Variants in NHS observed in about 807,000 individuals in gnomAD.
The protein encoded by NHS is actin remodeling regulator NHS.
A neutral mutation model predicts 72.5 loss-of-function variants in NHS; 5 were observed. That is an observed-to-expected ratio of 0.07 (90% CI 0.04 to 0.14). NHS has a LOEUF of 0.14. NHS is among the 10% of genes least tolerant of loss of function. NHS has a pLI of 1.00. For synonymous variants in NHS, 464 were observed against 547.7 expected, an observed-to-expected ratio of 0.85 and a Z score of 2.13; for missense variants, 1,072 against 1,355.7, an observed-to-expected ratio of 0.79 and a Z score of 3.29.
chrX:17,420,440 AC>A (rs1318123772), intron 1 of NHS, among the ~76,000 whole-genome samples: 1 of 110,443 alleles, frequency 9.1e-6, no homozygotes, highest in Non-Finnish European at 1.9e-5. Flanking sequence ...TCTTCCATCC[AC>A]TCACTTACTG....
At chrX:17,620,461 C>T (rs1175745664) in intron 1 of NHS, among the ~76,000 whole-genome samples, 1 of 111,697 alleles carries the variant, frequency 9.0e-6, no homozygotes. Flanking sequence ...TCTTCTATGG[C>T]AGAGTCTGTT....
chrX:17,558,516 A>G (rs779068112), intron 1 of NHS, among the ~76,000 whole-genome samples: 1 of 112,466 alleles, frequency 8.9e-6, no homozygotes, highest in South Asian at 3.7e-4. Context: ...TAAGACGTAC[A>G]TGGGCTTCGT....
At chrX:17,504,282 T>C (rs987998041) in intron 1 of NHS, among the ~76,000 whole-genome samples, 16 of 112,185 alleles carry the variant, frequency 1.4e-4, no homozygotes, top group African/African-American at 4.5e-4. Context: ...GGTACCCATC[T>C]GTGTATATAT....
At chrX:17,712,992 C>T (rs2066343924) in intron 3 of NHS, among the ~76,000 whole-genome samples, 1 of 111,375 alleles carries the variant, frequency 9.0e-6, no homozygotes, top group Non-Finnish European at 1.9e-5. Flanking sequence ...TGATGAATGT[C>T]GGAGTTGAGG....
intron 3 of NHS, among the ~76,000 whole-genome samples, chrX:17,707,596 T>C (rs780948679): frequency 9.0e-6 from 1 of 111,334 alleles, no homozygotes; most frequent in African/African-American, 3.3e-5. Context: ...CTATAAACAA[T>C]GACCATGTTT....
At chrX:17,724,469 G>A (rs372398686) in intron 6 of NHS, 39 bp downstream of exon 6, 194 of 1,199,303 alleles carry the variant, frequency 1.6e-4, no homozygotes, top group Non-Finnish European at 2.0e-4. Context: ...ACATTCCTCC[G>A]CCTAGTACAG....
chrX:17,698,666 A>T, intron 3 of NHS, among the ~76,000 whole-genome samples: 1 of 112,134 alleles, frequency 8.9e-6, no homozygotes, highest in East Asian at 2.8e-4. Context: ...ACTCATGATT[A>T]TTGATTCAAA....
chrX:17,661,547 C>A (rs2065982905), intron 1 of NHS, among the ~76,000 whole-genome samples: 1 of 111,660 alleles, frequency 9.0e-6, no homozygotes, highest in Non-Finnish European at 1.9e-5. Flanking sequence ...GCATGCACAA[C>A]AGGAGTCCCT....
chrX:17,543,072 AT>A (rs1475145647), intron 1 of NHS, among the ~76,000 whole-genome samples: 1 of 111,554 alleles, frequency 9.0e-6, no homozygotes, highest in Non-Finnish European at 1.9e-5. Flanking sequence ...GTACATAATA[AT>A]CATCAGGAGA....
chrX:17,694,357 A>G (rs920562440), intron 3 of NHS, among the ~76,000 whole-genome samples: 1 of 112,678 alleles, frequency 8.9e-6, no homozygotes, highest in Non-Finnish European at 1.9e-5. Flanking sequence ...GTTCAAGCTC[A>G]CAAGACTGTA....
intron 3 of NHS, among the ~76,000 whole-genome samples, chrX:17,719,048 AGGAAGGAAG>A (rs1300935623): frequency 5.4e-5 from 5 of 93,386 alleles, no homozygotes; most frequent in African/African-American, 1.5e-4. Context: ...GAGGGAGGGA[AGGAAGGAAG>A]GGAAGGAAGA....
chrX:17,676,741 T>C (rs1004165736), intron 1 of NHS, among the ~76,000 whole-genome samples: 13 of 112,304 alleles, frequency 1.2e-4, no homozygotes, highest in Non-Finnish European at 2.4e-4. Flanking sequence ...CCTTGAAAAC[T>C]GGCACAAATG....
chrX:17,493,934 G>T (rs943745033), intron 1 of NHS, among the ~76,000 whole-genome samples: 1 of 110,654 alleles, frequency 9.0e-6, no homozygotes, highest in African/African-American at 3.3e-5. Context: ...TGTGAGTTAG[G>T]GATCCTAGTT....
chrX:17,634,747 A>G (rs1216930440), intron 1 of NHS, among the ~76,000 whole-genome samples: 1 of 111,052 alleles, frequency 9.0e-6, no homozygotes, highest in East Asian at 2.8e-4. Context: ...AAGGGATCAG[A>G]AATTGATTTG....
At chrX:17,553,622 A>G (rs1754935078) in intron 1 of NHS, among the ~76,000 whole-genome samples, 1 of 111,447 alleles carries the variant, frequency 9.0e-6, no homozygotes, top group South Asian at 3.8e-4. Flanking sequence ...GATCTGATTT[A>G]TTAGTGAAAA....
At chrX:17,636,181 C>A (rs919415676) in intron 1 of NHS, among the ~76,000 whole-genome samples, 6 of 111,985 alleles carry the variant, frequency 5.4e-5, no homozygotes, top group Non-Finnish European at 1.1e-4. Flanking sequence ...CTCCCAGTGT[C>A]CCCAAAACAG....
chrX:17,639,639 C>A lies in NHS; in HGVS notation c.566-48103C>A, dbSNP rs1298963617. The stretch of plus-strand genomic sequence containing the variant: ...TCTATTAATCCATTTAATCCATTAA[C>A]CCATTAATCTGTTAATTCATTAATC... On this transcript the variant is annotated intron_variant, in intron 1 of 8. Transcript: ENST00000676302. Among the ~76,000 whole-genome samples, 3 of 112,181 alleles carry A rather than the reference C, an allele frequency of 2.7e-5. No homozygotes were observed. The Admixed American group carries it at 2.8e-4, about 11-fold the overall frequency.
intron 6 of NHS, among the ~76,000 whole-genome samples, 192 bp from the exon 7 acceptor site, chrX:17,725,155 T>C (rs932768798): frequency 9.1e-6 from 1 of 110,380 alleles, no homozygotes; most frequent in Non-Finnish European, 1.9e-5. Context: ...TATATACATA[T>C]ATGAGGGGGA....
At chrX:17,481,995 A>T (rs1471128955) in intron 1 of NHS, among the ~76,000 whole-genome samples, 1 of 112,191 alleles carries the variant, frequency 8.9e-6, no homozygotes, top group Non-Finnish European at 1.9e-5. Flanking sequence ...TTCATTTTTA[A>T]ATGTAGGCTT....
Sources: gnomAD v4.1 joint callset for allele counts (sites outside exome capture counted in the v4.1 genomes callset) on GRCh38, gnomAD v4.1.1 for gene constraint, MANE v1.5 for transcripts, NCBI Gene and HGNC (gene_info 2026-07-23, HGNC 2026-07-21) for gene names.